MMRN1: variants seen among roughly 807,000 people sequenced by gnomAD.
MMRN1 encodes multimerin-1.
MMRN1 carries 94 observed loss-of-function variants against 100.7 expected under a neutral mutation model. That is an observed-to-expected ratio of 0.93 (90% confidence interval 0.79 to 1.11). MMRN1 has a LOEUF of 1.11. Ranked by LOEUF, MMRN1 falls within the 50% of genes least tolerant of loss-of-function variation. The pLI, the probability that MMRN1 is intolerant of heterozygous loss-of-function variation, is 0.00. For synonymous variants in MMRN1, 575 were observed against 505.0 expected (o/e 1.14, Z -1.86); for missense variants, 1,606 against 1,439.1 (o/e 1.12, Z -1.88).
Position 89,950,403 on chromosome 4 carries a change from T to C in MMRN1, c.3119-1202T>C, listed in dbSNP as rs146681484. Among the ~76,000 whole-genome samples the C allele has an allele frequency of 1.0e-3, 156 of 152,322 alleles. 1 individual carries two copies. The highest frequency in any genetic ancestry group is 3.4e-3 in the African/African-American group (142 of 41,580). ...AGTAAATTAACCTTTTTAATACTGATAAATATCGTCACATTGTCCTATTAA... is the reference window on the plus strand; with the variant it reads ...AGTAAATTAACCTTTTTAATACTGACAAATATCGTCACATTGTCCTATTAA... On this transcript the variant is annotated intron_variant, in intron 6 of 7. Transcript: ENST00000264790.
In MMRN1 at chr4:89,935,132, G is replaced by C; in HGVS notation, c.1452G>C (p.Lys484Asn). Reference sequence around the variant, plus strand: ...AGCCTATTAAAGAACTAGAAGTAAAGCAGACTCATTTAGAAGGTGCTCTAG... The same window carrying C: ...AGCCTATTAAAGAACTAGAAGTAAACCAGACTCATTTAGAAGGTGCTCTAG... ...CEKPIKELEV[K>N]QTHLEGALEQ... The change falls in exon 6 of 8, where the codon AAG (lysine) becomes AAC (asparagine). Residue 484 changes from lysine (K) to asparagine (N), a missense_variant. Coordinates refer to ENST00000264790, the MANE Select transcript of MMRN1 (RefSeq NM_007351.3). 2 of 1,613,600 alleles carry C rather than the reference G, an allele frequency of 1.2e-6. No individual in the cohort carries two copies. The highest frequency in any genetic ancestry group is 1.7e-6 in the Non-Finnish European group (2 of 1,179,724).
At chr4:89,931,998 G>T (rs1261260222) in intron 5 of MMRN1, among the ~76,000 whole-genome samples, 1 of 152,118 alleles carries the variant, frequency 6.6e-6, no homozygotes, top group African/African-American at 2.4e-5. Flanking sequence ...AGAGTCCACA[G>T]TCTGAAATCT....
intron 4 of MMRN1, among the ~76,000 whole-genome samples, chr4:89,925,063 T>A (rs1288036408): frequency 6.6e-6 from 1 of 152,040 alleles, no homozygotes; most frequent in African/African-American, 2.4e-5. Flanking sequence ...ATTAAATTAT[T>A]ATTGACTATA....
intron 5 of MMRN1, among the ~76,000 whole-genome samples, chr4:89,930,535 T>C (rs909259208): frequency 3.5e-5 from 5 of 140,982 alleles, no homozygotes; most frequent in Non-Finnish European, 7.4e-5. Flanking sequence ...CTAAATTTTA[T>C]TGTACCTTTC....
At chr4:89,894,315 T>C (rs1258156025), upstream of MMRN1, among the ~76,000 whole-genome samples, 2 of 152,180 alleles carry the variant, frequency 1.3e-5, no homozygotes, top group East Asian at 1.9e-4. Flanking sequence ...TAAGTAATGA[T>C]ACAGCTGAAG....
chr4:89,890,574 G>A (rs1721033831), upstream of MMRN1, among the ~76,000 whole-genome samples: 2 of 152,064 alleles, frequency 1.3e-5, no homozygotes, highest in African/African-American at 4.8e-5. Flanking sequence ...AGGGAGATAT[G>A]TCTATTCCAT....
chr4:89,944,786 A>C (rs1722936434), intron 6 of MMRN1, among the ~76,000 whole-genome samples: 1 of 152,178 alleles, frequency 6.6e-6, no homozygotes, highest in Non-Finnish European at 1.5e-5. Flanking sequence ...TGGGATGATG[A>C]ACTACAATAT....
At chr4:89,933,955 A>T (rs973406812) in intron 5 of MMRN1, among the ~76,000 whole-genome samples, 24 of 152,132 alleles carry the variant, frequency 1.6e-4, no homozygotes, top group African/African-American at 5.6e-4. Context: ...TATTTTAAAT[A>T]GTCATTTTCT....
chr4:89,920,030 T>C (rs947023867), intron 3 of MMRN1, among the ~76,000 whole-genome samples: 2 of 152,068 alleles, frequency 1.3e-5, no homozygotes, highest in Non-Finnish European at 2.9e-5. Context: ...TTCTGAAAAA[T>C]AGTTTTCAGA....
chr4:89,888,108 G>T (rs1720977004), intron 1 of MMRN1, among the ~76,000 whole-genome samples: 1 of 151,788 alleles, frequency 6.6e-6, no homozygotes, highest in Non-Finnish European at 1.5e-5. Context: ...TATCAAATTT[G>T]TTTACATATA....
Position 89,935,378 on chromosome 4 carries a change from T to C in MMRN1, c.1698T>C (p.Asp566=), listed in dbSNP as rs1271666942. 1 of 1,613,358 alleles carries C rather than the reference T, an allele frequency of 6.2e-7. No homozygotes were observed. Among genetic ancestry groups the C allele is most frequent in the South Asian group, 1.1e-5 (1 of 90,990 alleles). The change falls in exon 6 of 8, where the codon GAT becomes GAC. Residue 566 remains aspartate, a synonymous_variant. Transcript: ENST00000264790. ...QSLMMLQMFE[D]LHIQESKINN... is the part of the protein sequence containing the mutation. ...TGATGATGCTGCAAATGTTTGAAGA[T>C]TTGCACATTCAAGAAAGCAAGATTA...
chr4:89,909,294 A>C lies in MMRN1; in HGVS notation c.642A>C (p.Val214=). 1.9e-6 allele frequency: 3 copies of C among 1,609,638 alleles called. No individual in the cohort carries two copies. Among genetic ancestry groups the C allele is most frequent in the Non-Finnish European group, 2.5e-6 (3 of 1,177,142 alleles). ...TCTTTAGGAATTGGTGTGCTTATGT[A>C]CATACCAGGTTATCTCCCACAGTGA... is the stretch of plus-strand genomic sequence containing the variant. The part of the protein sequence containing the change: ...TTRGKNWCAY[V]HTRLSPTVIL... The change falls in exon 2 of 8, where the codon GTA becomes GTC. Residue 214 remains valine (V), a synonymous_variant. Coordinates refer to ENST00000264790, the MANE Select transcript of MMRN1 (RefSeq NM_007351.3).
rs1435782124 is a variant in MMRN1, at chr4:89,953,888, C to T, written c.*470C>T. On this transcript the variant is annotated 3_prime_UTR_variant, in exon 8 of 8. Transcript: ENST00000264790. Reference sequence around the variant, plus strand: ...TTGATTTTGTAAACTTTTATTTTTACTCTTTACGTTGAGTTGATCAATTTT... The same window carrying T: ...TTGATTTTGTAAACTTTTATTTTTATTCTTTACGTTGAGTTGATCAATTTT... 6.6e-6 allele frequency: 1 copy of T among 152,140 alleles called. No homozygotes were observed. Among genetic ancestry groups the T allele is most frequent in the Non-Finnish European group, 1.5e-5 (1 of 68,092 alleles). The allele number at this position is 152,140 out of a possible 1,614,324, so 9.4% of individuals were successfully genotyped here.
chr4:89,929,481 T>G (rs911739350), intron 5 of MMRN1, among the ~76,000 whole-genome samples: 2 of 152,130 alleles, frequency 1.3e-5, no homozygotes, highest in Non-Finnish European at 2.9e-5. Flanking sequence ...TTTTCCCCCC[T>G]GAAGTGACAG....
Position 89,909,476 on chromosome 4 carries a change from A to G in MMRN1, c.743+81A>G. The G allele has an allele frequency of 2.6e-6, 4 of 1,517,070 alleles. No homozygotes were observed. In the Admixed American group the frequency reaches 5.8e-5, roughly 22 times the overall value. The allele number at this position is 1,517,070 out of a possible 1,614,324, so 94.0% of individuals were successfully genotyped here. On this transcript the variant is annotated intron_variant, in intron 2 of 7. Transcript: ENST00000264790. ...CGGGAATATATAATGTTATTCATGC[A>G]AGGTACATAATACATAGTAGGGTCA... is the stretch of plus-strand genomic sequence containing the variant.
chr4:89,943,845 C>T (rs941316413), intron 6 of MMRN1, among the ~76,000 whole-genome samples: 2 of 151,968 alleles, frequency 1.3e-5, no homozygotes, highest in African/African-American at 4.8e-5. Context: ...CAAAAATTAG[C>T]CAGGTGTAGT....
At chr4:89,947,480 C>A (rs556752172) in intron 6 of MMRN1, among the ~76,000 whole-genome samples, 1 of 152,082 alleles carries the variant, frequency 6.6e-6, no homozygotes, top group Non-Finnish European at 1.5e-5. Flanking sequence ...ATATGTCAGG[C>A]ACTGTGCTAA....
chr4:89,901,154 G>GAAAA (rs372841987), intron 1 of MMRN1, among the ~76,000 whole-genome samples: 5 of 112,156 alleles, frequency 4.5e-5, no homozygotes, highest in African/African-American at 1.5e-4. Flanking sequence ...GGGCTTTTAT[G>GAAAA]AAAAAAAAAA....
At chr4:89,904,255 GTATT>G (rs1201107189) in intron 1 of MMRN1, among the ~76,000 whole-genome samples, 1 of 151,340 alleles carries the variant, frequency 6.6e-6, no homozygotes, top group Non-Finnish European at 1.5e-5. Flanking sequence ...CAGTATGTAT[GTATT>G]TATTTATTTT....
Sources: gnomAD v4.1 joint callset for allele counts (sites outside exome capture counted in the v4.1 genomes callset) on GRCh38, gnomAD v4.1.1 for gene constraint, MANE v1.5 for transcripts, NCBI Gene and HGNC (gene_info 2026-07-23, HGNC 2026-07-21) for gene names.